Variants in MAGI2 observed in about 807,000 individuals in gnomAD.
MAGI2 encodes the protein membrane associated guanylate kinase, WW and PDZ domain containing 2, also known as membrane-associated guanylate kinase, WW and PDZ domain-containing protein 2.
MAGI2 carries 35 observed loss-of-function variants against 133.3 expected under a neutral mutation model. The observed-to-expected ratio is 0.26, with a 90% CI of 0.20 to 0.35. The LOEUF is 0.35. MAGI2 is among the 10% of genes least tolerant of loss of function. The pLI is 1.00. For missense variants in MAGI2, 1,636 were observed against 1,863.4 expected (o/e 0.88, Z 2.25); for synonymous variants, 729 against 710.6 (o/e 1.03, Z -0.41).
At chr7:78,603,376 A>G (rs191891777) in intron 3 of MAGI2, among the ~76,000 whole-genome samples, 77 of 152,324 alleles carry the variant, frequency 5.1e-4, no homozygotes, top group Admixed American at 1.5e-3. Flanking sequence ...ATCCTGAGGA[A>G]ACGTTTTCTA....
chr7:78,380,131 C>A (rs1794786848), intron 6 of MAGI2, among the ~76,000 whole-genome samples: 1 of 139,690 alleles, frequency 7.2e-6, no homozygotes, highest in South Asian at 2.2e-4. Flanking sequence ...AACAAAGGAA[C>A]CTCTAGGGAC....
chr7:79,006,193 T>C (rs1378944691), intron 2 of MAGI2, among the ~76,000 whole-genome samples: 2 of 152,208 alleles, frequency 1.3e-5, no homozygotes, highest in Non-Finnish European at 2.9e-5. Context: ...TTGTTTTGCT[T>C]ATTTGTTTCA....
At chr7:78,066,012 G>C (rs1320299137) in intron 21 of MAGI2, among the ~76,000 whole-genome samples, 1 of 152,040 alleles carries the variant, frequency 6.6e-6, no homozygotes, top group East Asian at 1.9e-4. Context: ...ATGTTTTAGG[G>C]ATATCAACTG....
Position 78,942,940 on chromosome 7 carries a change from A to G in MAGI2, c.418+64150T>C, listed in dbSNP as rs562929783. 2.3e-4 allele frequency among the ~76,000 whole-genome samples: 35 copies of G among 152,020 alleles called. No homozygotes were observed. In the East Asian group the frequency reaches 5.6e-3, roughly 24 times the overall value. ...TTATTGGATTCATGGATGAATGACT[A>G]CATGAATATATATCTTGTTATCAGC... On this transcript the variant is annotated intron_variant, in intron 2 of 21. Transcript: ENST00000354212.
chr7:78,856,014 A>AT (rs1369710814), intron 2 of MAGI2, among the ~76,000 whole-genome samples: 1 of 152,088 alleles, frequency 6.6e-6, no homozygotes, highest in Non-Finnish European at 1.5e-5. Context: ...AGTGACAAGC[A>AT]TTTTTTCATG....
chr7:78,065,309 T>C (rs528764501), intron 21 of MAGI2, among the ~76,000 whole-genome samples: 1 of 152,286 alleles, frequency 6.6e-6, no homozygotes, highest in East Asian at 1.9e-4. Flanking sequence ...ACGCGGCCAG[T>C]GCTGCTCTGC....
intron 3 of MAGI2, among the ~76,000 whole-genome samples, chr7:78,536,206 G>A (rs1306120396): frequency 4.0e-5 from 5 of 125,618 alleles, no homozygotes; most frequent in South Asian, 2.9e-4. Context: ...TCCGCCTCCC[G>A]GGTTCACGCC....
At chr7:78,153,909 G>A (rs1339255629) in intron 16 of MAGI2, among the ~76,000 whole-genome samples, 1 of 152,158 alleles carries the variant, frequency 6.6e-6, no homozygotes, top group Non-Finnish European at 1.5e-5. Flanking sequence ...TGAGCCTTGG[G>A]CTCATTGTCC....
chr7:78,027,247 C>G (rs1809019487), intron 21 of MAGI2, among the ~76,000 whole-genome samples: 1 of 152,184 alleles, frequency 6.6e-6, no homozygotes, highest in Admixed American at 6.6e-5. Flanking sequence ...CATCGTTATT[C>G]CTAATGGAGA....
chr7:78,637,500 T>C (rs1809803293), intron 2 of MAGI2, among the ~76,000 whole-genome samples: 1 of 151,366 alleles, frequency 6.6e-6, no homozygotes, highest in South Asian at 2.1e-4. Context: ...TGTCAAAAAA[T>C]AGATGACAAA....
chr7:78,293,772 C>A (rs1268633120), intron 9 of MAGI2, among the ~76,000 whole-genome samples: 2 of 152,166 alleles, frequency 1.3e-5, no homozygotes, highest in Non-Finnish European at 2.9e-5. Context: ...AGGATGAGTT[C>A]ATGTCCTTTG....
At chr7:78,435,587 A>G (rs924893843) in intron 6 of MAGI2, among the ~76,000 whole-genome samples, 1 of 152,164 alleles carries the variant, frequency 6.6e-6, no homozygotes, top group African/African-American at 2.4e-5. Context: ...GAGAACTGCA[A>G]GCAGAAGTGA....
chr7:78,542,371 T>C (rs1431014213), intron 3 of MAGI2, among the ~76,000 whole-genome samples: 6 of 152,170 alleles, frequency 3.9e-5, no homozygotes, highest in Non-Finnish European at 8.8e-5. Context: ...ATACTTCATA[T>C]GTACCTAGCA....
chr7:78,711,657 G>C (rs1315797349), intron 2 of MAGI2, among the ~76,000 whole-genome samples: 1 of 152,068 alleles, frequency 6.6e-6, no homozygotes, highest in Non-Finnish European at 1.5e-5. Context: ...GAGCTTTGTA[G>C]GATACTGTTG....
At chr7:78,681,192 G>T (rs1276112596) in intron 2 of MAGI2, among the ~76,000 whole-genome samples, 1 of 152,042 alleles carries the variant, frequency 6.6e-6, no homozygotes, top group Non-Finnish European at 1.5e-5. Context: ...GCCTCATGAG[G>T]GGGTGAAACT....
intron 2 of MAGI2, among the ~76,000 whole-genome samples, chr7:78,723,844 G>C (rs73365824): frequency 0.011 from 1,644 of 152,182 alleles, 25 homozygotes; most frequent in African/African-American, 0.038. Context: ...TGTTGTGAAA[G>C]GTAGTTGAAG....
intron 2 of MAGI2, among the ~76,000 whole-genome samples, chr7:78,932,999 A>G (rs1373623655): frequency 6.6e-6 from 1 of 152,112 alleles, no homozygotes; most frequent in African/African-American, 2.4e-5. Flanking sequence ...GTGACAGGCA[A>G]ATCTTGCATC....
chr7:78,330,895 A>G lies in MAGI2; in HGVS notation c.1408+12883T>C, dbSNP rs1276453738. 7.9e-5 allele frequency among the ~76,000 whole-genome samples: 12 copies of G among 152,310 alleles called. No homozygotes were observed. The East Asian group carries it at 2.1e-3, about 27-fold the overall frequency. On this transcript the variant is annotated intron_variant, in intron 9 of 21. Coordinates refer to ENST00000354212, the MANE Select transcript of MAGI2 (RefSeq NM_012301.4). The stretch of plus-strand genomic sequence containing the variant: ...TCCTGATGAACCAAAGGCTCAGTTC[A>G]GAGAGACAGAGTAGTACGAACTGAA...
intron 21 of MAGI2, among the ~76,000 whole-genome samples, chr7:78,023,325 T>C (rs1808596487): frequency 6.6e-6 from 1 of 152,178 alleles, no homozygotes; most frequent in South Asian, 2.1e-4. Flanking sequence ...TCAGACGATG[T>C]TTTTCTCCTT....
Sources: gnomAD v4.1 joint callset for allele counts (sites outside exome capture counted in the v4.1 genomes callset) on GRCh38, gnomAD v4.1.1 for gene constraint, MANE v1.5 for transcripts, NCBI Gene and HGNC (gene_info 2026-07-23, HGNC 2026-07-21) for gene names.